CDK13: variants seen among roughly 807,000 people sequenced by gnomAD.
The protein encoded by CDK13 is cyclin-dependent kinase 13.
CDK13 carries 40 observed loss-of-function variants against 137.6 expected under a neutral mutation model. That is an observed-to-expected ratio of 0.29 (90% confidence interval 0.23 to 0.38). CDK13 has a LOEUF of 0.38. Among genes scored for constraint, CDK13 ranks in the 10% least tolerant of loss-of-function variants. The pLI is 1.00. For synonymous variants in CDK13, 869 were observed against 760.1 expected (o/e 1.14, Z -2.36); for missense variants, 1,704 against 1,951.8 (o/e 0.87, Z 2.39).
At chr7:40,084,801 A>T (rs1165675236) in intron 11 of CDK13, among the ~76,000 whole-genome samples, 2 of 152,188 alleles carry the variant, frequency 1.3e-5, no homozygotes, top group Non-Finnish European at 2.9e-5. Context: ...GTACTACCCC[A>T]TGAGGTAGAT....
chr7:40,024,806 CGT>C (rs1253490789), intron 5 of CDK13, among the ~76,000 whole-genome samples: 1 of 151,842 alleles, frequency 6.6e-6, no homozygotes, highest in Non-Finnish European at 1.5e-5. Context: ...TGGGATTACA[CGT>C]GTGCGCCAGC....
intron 11 of CDK13, among the ~76,000 whole-genome samples, chr7:40,080,200 C>T (rs1786636487): frequency 6.6e-6 from 1 of 152,122 alleles, no homozygotes; most frequent in Non-Finnish European, 1.5e-5. Context: ...GTTGGCCAGG[C>T]TGGTCTTGAA....
intron 1 of CDK13, among the ~76,000 whole-genome samples, chr7:39,964,307 G>C (rs1488485212): frequency 1.3e-5 from 2 of 152,068 alleles, no homozygotes; most frequent in African/African-American, 4.8e-5. Context: ...GCCTGTTATT[G>C]GTCTATTCAG....
chr7:40,084,695 A>G (rs1484247964), intron 11 of CDK13, among the ~76,000 whole-genome samples: 1 of 152,226 alleles, frequency 6.6e-6, no homozygotes, highest in Non-Finnish European at 1.5e-5. Context: ...ATAGTTGTAA[A>G]CTATGAATTA....
chr7:39,956,837 T>C (rs1206409955), intron 1 of CDK13, among the ~76,000 whole-genome samples: 1 of 152,194 alleles, frequency 6.6e-6, no homozygotes, highest in African/African-American at 2.4e-5. Context: ...TCCTCCCGCC[T>C]GGGCCTCCCA....
Position 39,951,755 on chromosome 7 carries a change from C to A in CDK13, c.1114C>A (p.Arg372Ser). 1 of 1,492,464 alleles carries A rather than the reference C, an allele frequency of 6.7e-7. No individual in the cohort carries two copies. Among genetic ancestry groups the A allele is most frequent in the South Asian group, 1.3e-5 (1 of 74,290 alleles). 92.5% of individuals were successfully genotyped at this position (1,492,464 alleles called of 1,614,324 possible). ...YSRRRSPSYSRHSSYERGGDV... is the reference protein window; with the variant it reads ...YSRRRSPSYSSHSSYERGGDV... ...TCGCCGCCGCTCCCCCAGCTACAGC[C>A]GCCACAGCTCCTACGAGCGGGGCGG... Residue 372 changes from arginine to serine, a missense_variant, in exon 1 of 14, where the codon CGC becomes AGC. Arg to Ser is a moderately radical substitution (Grantham distance 110, BLOSUM62 -1). Coordinates refer to ENST00000181839, the MANE Select transcript of CDK13 (RefSeq NM_003718.5).
chr7:40,039,494 G>A (rs1239715891), intron 5 of CDK13, among the ~76,000 whole-genome samples: 2 of 140,602 alleles, frequency 1.4e-5, no homozygotes, highest in African/African-American at 5.5e-5. Context: ...TGCAGTGGCA[G>A]GATCTCAGCT....
At chr7:40,003,666 A>C (rs1490898501) in intron 5 of CDK13, among the ~76,000 whole-genome samples, 1 of 152,218 alleles carries the variant, frequency 6.6e-6, no homozygotes, top group Non-Finnish European at 1.5e-5. Context: ...GCTCTAGCCA[A>C]ATCAGTGTAT....
intron 5 of CDK13, among the ~76,000 whole-genome samples, chr7:40,043,635 TAGAG>T (rs1047569227): frequency 6.6e-6 from 1 of 151,886 alleles, no homozygotes; most frequent in Admixed American, 6.6e-5. Flanking sequence ...CTGGGTAACA[TAGAG>T]AGACCCCATC....
rs760644054 is a variant in CDK13 at position 40,093,220 on chromosome 7, C to T, written c.3671C>T (p.Pro1224Leu). The change falls in exon 13 of 14, where the codon CCT becomes CTT. Residue 1224 changes from proline (P) to leucine (L), a missense_variant. By Grantham distance (98) the Pro-to-Leu change is moderately conservative (BLOSUM62 -3). This residue lies in a region of CDK13 where 475 missense variants were observed against 579.3 expected (regional missense o/e 0.82). Transcript: ENST00000181839. The stretch of plus-strand genomic sequence containing the variant: ...TTACAACTCAGGCCACCTCCAGAAC[C>T]TAGCACTCCGGTGTCGGGTAAGTGT... ...ASLQLRPPPE[P>L]STPVSGQDDL... The T allele has an allele frequency of 1.2e-6, 2 of 1,612,542 alleles. No individual in the cohort carries two copies. The highest frequency in any genetic ancestry group is 1.1e-5 in the South Asian group (1 of 90,916).
chr7:40,064,303 AG>A, intron 9 of CDK13, among the ~76,000 whole-genome samples: 5 of 150,348 alleles, frequency 3.3e-5, no homozygotes, highest in African/African-American at 1.2e-4. Context: ...AAAAAAAAAA[AG>A]GTGGGGGGGC....
chr7:40,053,709 A>G (rs1343548864), intron 7 of CDK13, among the ~76,000 whole-genome samples: 1 of 150,968 alleles, frequency 6.6e-6, no homozygotes, highest in African/African-American at 2.4e-5. Flanking sequence ...TATTCATTCT[A>G]TGTATTATTT....
intron 10 of CDK13, 82 bp from the exon 11 acceptor site, chr7:40,078,635 TTAA>T: frequency 2.6e-6 from 2 of 783,828 alleles, no homozygotes; most frequent in Non-Finnish European, 3.5e-6. Context: ...GTTTTAAAAT[TTAA>T]TTAAAAATAA....
rs1784663510 is a variant in CDK13 at position 40,000,664 on chromosome 7, A to G, written c.2182+1164A>G. ...CTGCATAGAGTAATAATTGGTGTTT[A>G]TAATGATGTGTTATCAAAAAGATTA... On this transcript the variant is annotated intron_variant, in intron 4 of 13. Transcript: ENST00000181839. Among the ~76,000 whole-genome samples the G allele has an allele frequency of 2.0e-5, 3 of 152,280 alleles. No homozygotes were observed. In the South Asian group the frequency reaches 6.2e-4, roughly 31 times the overall value.
chr7:39,950,329 C>G lies in CDK13; in HGVS notation c.-313C>G. 1 of 1,141,122 alleles carries G rather than the reference C, an allele frequency of 8.8e-7. No homozygotes were observed. The highest frequency in any genetic ancestry group is 1.1e-6 in the Non-Finnish European group (1 of 930,294). The allele number at this position is 1,141,122 out of a possible 1,614,324, so 70.7% of individuals were successfully genotyped here. ...CCCACCCCCGGGGGCACTTGGAGGA[C>G]TCGGGACTCCCCCGCAGGTCAGCGC... On this transcript the variant is annotated 5_prime_UTR_variant, in exon 1 of 14. Transcript: ENST00000181839.
intron 1 of CDK13, among the ~76,000 whole-genome samples, chr7:39,979,589 TC>T (rs1477237628): frequency 6.6e-6 from 1 of 152,104 alleles, no homozygotes; most frequent in Non-Finnish European, 1.5e-5. Flanking sequence ...TAGAACAGTG[TC>T]CTCGAGAATG....
rs560970336 is a variant in CDK13 at position 39,958,744 on chromosome 7, T to G, written c.1211+6892T>G. 3.9e-5 allele frequency among the ~76,000 whole-genome samples: 6 copies of G among 152,306 alleles called. No individual in the cohort carries two copies. In the South Asian group the frequency reaches 1.2e-3, roughly 32 times the overall value. On this transcript the variant is annotated intron_variant, in intron 1 of 13. Transcript: ENST00000181839. ...TGTATATCTAAAGCAAATTTTTTTT[T>G]GTGTATTTGTTCCATTATCTTTAGA...
At chr7:39,978,431 G>A (rs959755673) in intron 1 of CDK13, among the ~76,000 whole-genome samples, 1 of 152,168 alleles carries the variant, frequency 6.6e-6, no homozygotes, top group East Asian at 1.9e-4. Context: ...AAGCCAGATT[G>A]TAGTGATTTG....
intron 1 of CDK13, among the ~76,000 whole-genome samples, chr7:39,955,042 G>C (rs748982396): frequency 3.3e-5 from 5 of 152,004 alleles, no homozygotes; most frequent in Non-Finnish European, 7.4e-5. Flanking sequence ...CTTTTCATCA[G>C]TTCCCTCTTA....
Sources: allele counts gnomAD v4.1 joint callset (sites outside exome capture counted in the v4.1 genomes callset), GRCh38; gene constraint gnomAD v4.1.1; regional missense constraint gnomAD v4.1.1; transcripts MANE v1.5; gene names NCBI Gene and HGNC (gene_info 2026-07-23, HGNC 2026-07-21).